BMPER: variants seen among roughly 807,000 people sequenced by gnomAD.
BMPER encodes BMP binding endothelial regulator.
In BMPER, 45 loss-of-function variants were observed where a neutral mutation model predicts 87.3. The observed-to-expected ratio is 0.52, with a 90% confidence interval of 0.41 to 0.66. BMPER has a LOEUF of 0.66. Ranked by LOEUF, BMPER falls within the 30% of genes least tolerant of loss-of-function variation. BMPER has a pLI of 0.00. For missense variants in BMPER, 784 were observed against 867.5 expected (o/e 0.90, Z 1.21); for synonymous variants, 326 against 316.2 (o/e 1.03, Z -0.33).
chr7:34,098,037 C>T lies in BMPER; in HGVS notation c.1745+11945C>T, dbSNP rs541352152. ...AAAAGGGCACTGGTTTTACTGCCTC[C>T]TCGTTCATGAAGTCATGCCCAGAGA... On this transcript the variant is annotated intron_variant, in intron 13 of 14. Coordinates refer to ENST00000649409, the MANE Select transcript of BMPER (RefSeq NM_001365308.1). Among the ~76,000 whole-genome samples, 8 of 152,198 alleles carry T rather than the reference C, an allele frequency of 5.3e-5. No individual in the cohort carries two copies. In the South Asian group the frequency reaches 1.7e-3, roughly 32 times the overall value.
chr7:33,986,353 G>A (rs1786011478), intron 6 of BMPER, among the ~76,000 whole-genome samples: 1 of 152,172 alleles, frequency 6.6e-6, no homozygotes, highest in Non-Finnish European at 1.5e-5. Context: ...TAGTAGACAG[G>A]GATAATGTAC....
intron 2 of BMPER, among the ~76,000 whole-genome samples, chr7:33,908,615 A>G (rs1379669154): frequency 6.6e-6 from 1 of 152,232 alleles, no homozygotes; most frequent in Non-Finnish European, 1.5e-5. Flanking sequence ...TTTATTACAG[A>G]AAAGTATCAA....
intron 6 of BMPER, among the ~76,000 whole-genome samples, chr7:34,000,753 G>A (rs1031874447): frequency 5.9e-5 from 9 of 152,020 alleles, no homozygotes; most frequent in Non-Finnish European, 1.3e-4. Context: ...TTGTCGCAAA[G>A]GTATTTCTTG....
At chr7:34,068,947 C>T (rs1788665349) in intron 11 of BMPER, among the ~76,000 whole-genome samples, 1 of 152,216 alleles carries the variant, frequency 6.6e-6, no homozygotes, top group African/African-American at 2.4e-5. Context: ...ATTCATTCTA[C>T]AGGCCTCCCT....
chr7:33,905,382 C>G (rs1371905543), upstream of BMPER: 11 of 412,440 alleles, frequency 2.7e-5, 1 homozygote, highest in South Asian at 2.1e-4. Context: ...AAAGCCGCAT[C>G]GGAGGAGCCT....
intron 13 of BMPER, among the ~76,000 whole-genome samples, chr7:34,099,953 G>A (rs549323450): frequency 7.9e-5 from 12 of 151,564 alleles, no homozygotes; most frequent in South Asian, 4.2e-4. Flanking sequence ...TCCTTTTCCC[G>A]GAAAAATGCA....
chr7:34,066,065 C>T (rs1361172048), intron 11 of BMPER, among the ~76,000 whole-genome samples: 3 of 152,190 alleles, frequency 2.0e-5, no homozygotes, highest in Non-Finnish European at 4.4e-5. Context: ...GAATTTCTCC[C>T]TTATTGCCTG....
At chr7:34,043,390 T>A (rs1251679417) in intron 6 of BMPER, among the ~76,000 whole-genome samples, 1 of 152,158 alleles carries the variant, frequency 6.6e-6, no homozygotes, top group African/African-American at 2.4e-5. Flanking sequence ...GCATGGAGAA[T>A]TGATGTAGAC....
chr7:34,086,229 G>A (rs1789206333), intron 13 of BMPER, 137 bp downstream of exon 13: 1 of 1,003,076 alleles, frequency 1.0e-6, no homozygotes, highest in Non-Finnish European at 1.5e-6. Context: ...TGCTGTCCAG[G>A]AGCTGATCTC....
chr7:34,008,649 A>G (rs1286764773), intron 6 of BMPER, among the ~76,000 whole-genome samples: 1 of 151,926 alleles, frequency 6.6e-6, no homozygotes, highest in Admixed American at 6.6e-5. Context: ...ATTCTTGTAA[A>G]ACTGCTGGCT....
intron 3 of BMPER, 90 bp from the exon 4 acceptor site, chr7:33,966,389 T>C (rs1785406578): frequency 3.5e-6 from 4 of 1,140,106 alleles, no homozygotes; most frequent in Non-Finnish European, 5.3e-6. Flanking sequence ...TAATCTGGGC[T>C]TAGAGAACAT....
intron 7 of BMPER, among the ~76,000 whole-genome samples, chr7:34,050,019 A>G (rs867026037): frequency 6.6e-6 from 1 of 152,212 alleles, no homozygotes; most frequent in Non-Finnish European, 1.5e-5. Context: ...CAGCTTTCTG[A>G]TGCCTCAGGG....
At chr7:33,981,421 C>T (rs1785856316) in intron 6 of BMPER, among the ~76,000 whole-genome samples, 1 of 152,206 alleles carries the variant, frequency 6.6e-6, no homozygotes. Flanking sequence ...CCCAGACATT[C>T]CTTCTTTAGG....
intron 13 of BMPER, among the ~76,000 whole-genome samples, chr7:34,127,811 G>A (rs114680515): frequency 1.5e-4 from 23 of 152,162 alleles, no homozygotes; most frequent in Admixed American, 4.6e-4. Context: ...TGGTGTTCCC[G>A]CAGGTAAGTG....
At chr7:34,150,323 G>C (rs1168040784) in intron 14 of BMPER, among the ~76,000 whole-genome samples, 1 of 152,158 alleles carries the variant, frequency 6.6e-6, no homozygotes, top group Non-Finnish European at 1.5e-5. Flanking sequence ...CATTAGAATT[G>C]CCAGTGTGGG....
intron 6 of BMPER, chr7:34,042,626 T>C (rs1342231014): frequency 6.6e-6 from 1 of 152,234 alleles, no homozygotes; most frequent in East Asian, 1.9e-4. Flanking sequence ...GAACTATGCC[T>C]GGACTTAGTT....
intron 14 of BMPER, 140 bp downstream of exon 14, chr7:34,143,500 A>T (rs1562770742): frequency 2.3e-6 from 3 of 1,304,464 alleles, no homozygotes; most frequent in East Asian, 5.0e-5. Context: ...GCCCATCTGG[A>T]TTGCTACTTG....
rs544576306 is a variant in BMPER, at chr7:33,968,941, A to G, written c.403-1388A>G. 5.9e-5 allele frequency among the ~76,000 whole-genome samples: 9 copies of G among 152,338 alleles called. No individual in the cohort carries two copies. The East Asian group carries it at 1.4e-3, about 23-fold the overall frequency. On this transcript the variant is annotated intron_variant, in intron 4 of 14. Transcript: ENST00000649409. ...ACCAAAGAAAAATTGGTTTGGGGCC[A>G]TGCATAGCTTTTTGCATTGCTTCAG... is the stretch of plus-strand genomic sequence containing the variant.
chr7:33,940,387 G>T (rs1192894966), intron 3 of BMPER, among the ~76,000 whole-genome samples: 4 of 152,104 alleles, frequency 2.6e-5, no homozygotes, highest in African/African-American at 9.7e-5. Context: ...TTTTAGCTTT[G>T]AATGTGAGTA....
Sources: gnomAD v4.1 joint callset for allele counts (sites outside exome capture counted in the v4.1 genomes callset) on GRCh38, gnomAD v4.1.1 for gene constraint, MANE v1.5 for transcripts, NCBI Gene and HGNC (gene_info 2026-07-23, HGNC 2026-07-21) for gene names.